The following ZMIZ1 variants were observed in gnomAD, a reference collection of about 807,000 sequenced individuals.
ZMIZ1 encodes zinc finger MIZ domain-containing protein 1.
Under a neutral mutation model 113.9 loss-of-function variants are expected in ZMIZ1, and 17 were observed. The observed-to-expected ratio is 0.15, with a 90% CI of 0.10 to 0.22. ZMIZ1 has a LOEUF of 0.22. Among genes scored for constraint, ZMIZ1 ranks in the 10% least tolerant of loss-of-function variants. ZMIZ1 has a pLI of 1.00. For missense variants in ZMIZ1, 1,059 were observed against 1,477.8 expected, an observed-to-expected ratio of 0.72 and a Z score of 4.65; for synonymous variants, 607 against 603.1, an observed-to-expected ratio of 1.01 and a Z score of -0.09.
At chr10:79,284,789 C>T (rs917320480) in intron 8 of ZMIZ1, among the ~76,000 whole-genome samples, 1 of 152,198 alleles carries the variant, frequency 6.6e-6, no homozygotes, top group Non-Finnish European at 1.5e-5. Context: ...GGGAACCTCT[C>T]TCCTGCTGGG....
At chr10:79,153,083 A>T (rs542079439) in intron 3 of ZMIZ1, among the ~76,000 whole-genome samples, 4 of 152,320 alleles carry the variant, frequency 2.6e-5, no homozygotes, top group African/African-American at 9.6e-5. Flanking sequence ...TTTCTGAAAG[A>T]ACGAATGAGA....
intron 7 of ZMIZ1, 34 bp downstream of exon 7, chr10:79,216,308 G>A: frequency 1.3e-6 from 2 of 1,544,058 alleles, no homozygotes; most frequent in Admixed American, 1.9e-5. Flanking sequence ...CGATGTCACT[G>A]GGAGGTGGGG....
intron 4 of ZMIZ1, among the ~76,000 whole-genome samples, chr10:79,200,768 T>C (rs899557118): frequency 6.6e-6 from 1 of 152,092 alleles, no homozygotes; most frequent in African/African-American, 2.4e-5. Flanking sequence ...GTTTGTAAAT[T>C]ATGAACAACT....
chr10:79,307,075 G>T (rs1010224579), intron 22 of ZMIZ1, among the ~76,000 whole-genome samples: 1 of 152,298 alleles, frequency 6.6e-6, no homozygotes, highest in East Asian at 1.9e-4. Flanking sequence ...TATGAAAAGT[G>T]CCCACATTGG....
intron 7 of ZMIZ1, among the ~76,000 whole-genome samples, chr10:79,249,189 A>G (rs1850391825): frequency 6.6e-6 from 1 of 152,136 alleles, no homozygotes; most frequent in Non-Finnish European, 1.5e-5. Context: ...ATGCCATGGC[A>G]TGGCCCAGGA....
At chr10:79,183,042 T>A (rs1847186509) in intron 4 of ZMIZ1, among the ~76,000 whole-genome samples, 1 of 152,180 alleles carries the variant, frequency 6.6e-6, no homozygotes, top group African/African-American at 2.4e-5. Flanking sequence ...GAGCCAGCAT[T>A]TCTGATAAGC....
intron 7 of ZMIZ1, among the ~76,000 whole-genome samples, chr10:79,257,528 C>T (rs920656108): frequency 1.3e-5 from 2 of 152,200 alleles, no homozygotes; most frequent in African/African-American, 4.8e-5. Flanking sequence ...TGGGGTGGGT[C>T]AGGCTTTGGG....
intron 7 of ZMIZ1, among the ~76,000 whole-genome samples, chr10:79,269,170 C>T (rs1383189553): frequency 6.6e-6 from 1 of 152,142 alleles, no homozygotes; most frequent in Non-Finnish European, 1.5e-5. Context: ...CAGTCTCCCC[C>T]GCTGCGGAGT....
chr10:79,255,877 A>G (rs896098052), intron 7 of ZMIZ1, among the ~76,000 whole-genome samples: 3 of 152,246 alleles, frequency 2.0e-5, no homozygotes, highest in African/African-American at 7.2e-5. Flanking sequence ...CTGAACCATC[A>G]GTCTGGATGC....
chr10:79,293,126 C>A (rs950862686), intron 11 of ZMIZ1, among the ~76,000 whole-genome samples: 3 of 151,772 alleles, frequency 2.0e-5, no homozygotes, highest in African/African-American at 7.3e-5. Flanking sequence ...TCGGAGTGAC[C>A]ACCTCACCCC....
At chr10:79,096,831 C>G (rs1843184969) in intron 1 of ZMIZ1, among the ~76,000 whole-genome samples, 1 of 152,140 alleles carries the variant, frequency 6.6e-6, no homozygotes, top group South Asian at 2.1e-4. Flanking sequence ...TCAAGGACAC[C>G]TTTATAAATT....
chr10:79,308,203 G>A (rs1046983929), intron 23 of ZMIZ1, among the ~76,000 whole-genome samples: 1 of 152,202 alleles, frequency 6.6e-6, no homozygotes, highest in Non-Finnish European at 1.5e-5. Flanking sequence ...TCCTCATCCA[G>A]TGAGTGCCAC....
At chr10:79,166,913 G>C (rs549466453) in intron 4 of ZMIZ1, among the ~76,000 whole-genome samples, 1 of 152,238 alleles carries the variant, frequency 6.6e-6, no homozygotes, top group Non-Finnish European at 1.5e-5. Context: ...AACTCAGCCT[G>C]GCATTCAAAG....
chr10:79,276,049 C>T (rs1315036522), intron 7 of ZMIZ1, among the ~76,000 whole-genome samples: 1 of 152,214 alleles, frequency 6.6e-6, no homozygotes, highest in African/African-American at 2.4e-5. Flanking sequence ...CAGGTCACTC[C>T]CAGCAGGAGT....
At chr10:79,077,879 AGCATTC>A (rs1223045495) in intron 1 of ZMIZ1, among the ~76,000 whole-genome samples, 3 of 152,260 alleles carry the variant, frequency 2.0e-5, no homozygotes, top group Non-Finnish European at 4.4e-5. Flanking sequence ...GGTCACCACC[AGCATTC>A]CCATTGCCTT....
At chr10:79,210,107 A>G (rs1483255202) in intron 6 of ZMIZ1, among the ~76,000 whole-genome samples, 1 of 152,196 alleles carries the variant, frequency 6.6e-6, no homozygotes, top group Admixed American at 6.5e-5. Context: ...AGGCTAAGCC[A>G]TGTGGGCAGG....
chr10:79,293,468 G>A lies in ZMIZ1; in HGVS notation c.1045G>A (p.Ala349Thr), dbSNP rs1048887823. The A allele has an allele frequency of 1.3e-5, 21 of 1,563,720 alleles. No homozygotes were observed. Among genetic ancestry groups the A allele is most frequent in the South Asian group, 4.8e-5 (4 of 83,720 alleles). Reference sequence around the variant, plus strand: ...CTCCATGGGGGGCAGCATGAACCCCGCGAGCATGGCGGCTGGCATGACGCC... The same window carrying A: ...CTCCATGGGGGGCAGCATGAACCCCACGAGCATGGCGGCTGGCATGACGCC... ...PASMGGSMNP[A>T]SMAAGMTPSG... Residue 349 changes from alanine (A) to threonine (T), a missense_variant, in exon 12 of 25, where the codon GCG (alanine) becomes ACG (threonine). Coordinates refer to ENST00000334512, the MANE Select transcript of ZMIZ1 (RefSeq NM_020338.4).
Position 79,290,898 on chromosome 10 carries a change from C to G in ZMIZ1, c.541-61C>G, listed in dbSNP as rs940705029. On this transcript the variant is annotated intron_variant, in intron 9 of 24. Transcript: ENST00000334512. The stretch of plus-strand genomic sequence containing the variant: ...CTCCCTTTCCCCTCTTCATTTATCC[C>G]TCTTCCTCTCCACACTGCCTCGGGT... 4 of 1,587,570 alleles carry G rather than the reference C, an allele frequency of 2.5e-6. No individual in the cohort carries two copies. In the African/African-American group the frequency reaches 5.4e-5, roughly 21 times the overall value.
intron 7 of ZMIZ1, among the ~76,000 whole-genome samples, chr10:79,226,957 G>C (rs1010319405): frequency 6.6e-6 from 1 of 152,204 alleles, no homozygotes; most frequent in Non-Finnish European, 1.5e-5. Context: ...AACAGGCACT[G>C]CCTTGAGTAT....
Sources: allele counts gnomAD v4.1 joint callset (sites outside exome capture counted in the v4.1 genomes callset), GRCh38; gene constraint gnomAD v4.1.1; transcripts MANE v1.5; gene names NCBI Gene and HGNC (gene_info 2026-07-23, HGNC 2026-07-21).